ERBIN: variants seen among roughly 807,000 people sequenced by gnomAD.
ERBIN encodes the protein densin-180-like protein.
A neutral mutation model predicts 158.4 loss-of-function variants in ERBIN; 60 were observed. The ratio of observed to expected loss-of-function variants is 0.38; its 90% confidence interval spans 0.31 to 0.47. The LOEUF (loss-of-function observed/expected upper bound fraction) is 0.47. Among genes scored for constraint, ERBIN ranks in the 20% least tolerant of loss-of-function variants. The pLI is 0.99. For missense variants in ERBIN, 1,610 were observed against 1,648.0 expected, an observed-to-expected ratio of 0.98 and a Z score of 0.40; for synonymous variants, 594 against 557.2, an observed-to-expected ratio of 1.07 and a Z score of -0.93.
intron 1 of ERBIN, among the ~76,000 whole-genome samples, chr5:65,958,161 T>A (rs1458078724): frequency 0.012 from 1,044 of 83,620 alleles, no homozygotes; most frequent in South Asian, 0.014. Flanking sequence ...GAGGGGCTCC[T>A]CACATCCCAG....
intron 4 of ERBIN, among the ~76,000 whole-genome samples, chr5:66,005,144 G>C (rs982702239): frequency 6.6e-6 from 1 of 152,148 alleles, no homozygotes; most frequent in Admixed American, 6.5e-5. Context: ...TTCAAATGCT[G>C]TTTCAGTCAT....
intron 14 of ERBIN, among the ~76,000 whole-genome samples, chr5:66,032,568 G>A (rs554414337): frequency 6.6e-6 from 1 of 152,252 alleles, no homozygotes; most frequent in East Asian, 1.9e-4. Context: ...AGATAATACG[G>A]AAACCAGTGT....
chr5:66,000,798 T>A (rs1308954689), intron 4 of ERBIN, among the ~76,000 whole-genome samples: 1 of 152,204 alleles, frequency 6.6e-6, no homozygotes, highest in Non-Finnish European at 1.5e-5. Context: ...ACTTCATTGT[T>A]CATAACAAGG....
At chr5:66,024,258 A>G (rs1387912225) in intron 9 of ERBIN, 48 bp from the exon 10 acceptor site, 3 of 1,270,016 alleles carry the variant, frequency 2.4e-6, no homozygotes, top group South Asian at 3.1e-5. Context: ...ACTTTTTACA[A>G]ATTACTAATG....
At chr5:66,068,134 C>T (rs1761190071) in intron 21 of ERBIN, among the ~76,000 whole-genome samples, 1 of 151,332 alleles carries the variant, frequency 6.6e-6, no homozygotes, top group African/African-American at 2.4e-5. Flanking sequence ...TTGAGACCAC[C>T]CTGGACAAGT....
intron 1 of ERBIN, among the ~76,000 whole-genome samples, chr5:65,966,402 C>A (rs1000952159): frequency 6.6e-6 from 1 of 152,032 alleles, no homozygotes; most frequent in Non-Finnish European, 1.5e-5. Flanking sequence ...AAAGGTAGGC[C>A]GGGCATGGTA....
chr5:65,970,804 A>G (rs367797445), intron 1 of ERBIN, among the ~76,000 whole-genome samples: 5 of 152,182 alleles, frequency 3.3e-5, no homozygotes, highest in African/African-American at 1.2e-4. Context: ...TGTGTTGCCC[A>G]GGCTGGTCTT....
At chr5:65,948,372 T>C (rs1359732401) in intron 1 of ERBIN, among the ~76,000 whole-genome samples, 2 of 151,928 alleles carry the variant, frequency 1.3e-5, no homozygotes, top group Non-Finnish European at 2.9e-5. Flanking sequence ...AGATAAGGTC[T>C]CACTGTATTT....
At chr5:65,977,645 C>T (rs1310596277) in intron 1 of ERBIN, among the ~76,000 whole-genome samples, 2 of 151,176 alleles carry the variant, frequency 1.3e-5, no homozygotes, top group African/African-American at 4.9e-5. Context: ...GGATGGTGGC[C>T]GGGCAGAGAC....
At chr5:66,065,115 T>G (rs1760844061) in intron 21 of ERBIN, among the ~76,000 whole-genome samples, 1 of 152,194 alleles carries the variant, frequency 6.6e-6, no homozygotes, top group South Asian at 2.1e-4. Flanking sequence ...ATATTGAATT[T>G]GATGTGATGA....
At chr5:66,009,510 G>A (rs1377265853) in intron 4 of ERBIN, among the ~76,000 whole-genome samples, 3 of 152,000 alleles carry the variant, frequency 2.0e-5, no homozygotes, top group Non-Finnish European at 2.9e-5. Context: ...GAGTACACAG[G>A]TACTACAAAG....
chr5:66,049,388 T>C (rs1758795328), intron 19 of ERBIN, among the ~76,000 whole-genome samples: 1 of 152,114 alleles, frequency 6.6e-6, no homozygotes, highest in Non-Finnish European at 1.5e-5. Flanking sequence ...ATGGCATCAA[T>C]GATACTTATT....
chr5:66,032,050 T>G (rs1451235934), intron 14 of ERBIN, among the ~76,000 whole-genome samples: 2 of 152,060 alleles, frequency 1.3e-5, no homozygotes, highest in African/African-American at 4.8e-5. Context: ...GTGTTCTGGT[T>G]TGGAAGAATA....
intron 4 of ERBIN, among the ~76,000 whole-genome samples, chr5:65,998,361 T>C (rs1438813054): frequency 6.6e-6 from 1 of 151,442 alleles, no homozygotes; most frequent in Non-Finnish European, 1.5e-5. Context: ...GTTTTAAGGA[T>C]TTATTATTTG....
chr5:65,931,092 T>C (rs1026041809), intron 1 of ERBIN, among the ~76,000 whole-genome samples: 2 of 152,228 alleles, frequency 1.3e-5, no homozygotes, highest in African/African-American at 4.8e-5. Flanking sequence ...TCTACTTATC[T>C]GGAGGTTATT....
chr5:65,949,361 G>A (rs1746221443), intron 1 of ERBIN, among the ~76,000 whole-genome samples: 1 of 152,082 alleles, frequency 6.6e-6, no homozygotes, highest in African/African-American at 2.4e-5. Context: ...CCAGTCCCAG[G>A]AAATATTTAA....
rs940623254 is a variant in ERBIN at position 66,080,244 on chromosome 5, C to T, written c.*1714C>T. 4.6e-5 allele frequency: 7 copies of T among 152,500 alleles called. No individual in the cohort carries two copies. The highest frequency in any genetic ancestry group is 1.9e-4 in the East Asian group (1 of 5,190). The allele number at this position is 152,500 out of a possible 1,614,324, so 9.4% of individuals were successfully genotyped here. A position where few individuals can be genotyped will look rare whatever the true frequency, so the allele number is the denominator to read the frequency against. Reference sequence around the variant, plus strand: ...TGCTAGTCAGAGTAAGTAGGCAGCACTTTTAAAAATATGTGAACTCAAATA... The same window carrying T: ...TGCTAGTCAGAGTAAGTAGGCAGCATTTTTAAAAATATGTGAACTCAAATA... On this transcript the variant is annotated 3_prime_UTR_variant, in exon 26 of 26. Coordinates refer to ENST00000284037, the MANE Select transcript of ERBIN (RefSeq NM_001253697.2).
intron 14 of ERBIN, among the ~76,000 whole-genome samples, chr5:66,035,883 C>T (rs760066128): frequency 6.6e-6 from 1 of 151,980 alleles, no homozygotes; most frequent in African/African-American, 2.4e-5. Flanking sequence ...TGCTTGAGGC[C>T]GGGAGTTTGA....
intron 12 of ERBIN, 130 bp from the exon 13 acceptor site, chr5:66,026,168 TAAAA>T (rs954010405): frequency 3.3e-5 from 23 of 695,572 alleles, no homozygotes; most frequent in South Asian, 7.8e-5. Context: ...AAAAATTAAT[TAAAA>T]AGAAAGTCTA....
Sources: allele counts gnomAD v4.1 joint callset (sites outside exome capture counted in the v4.1 genomes callset), GRCh38; gene constraint gnomAD v4.1.1; transcripts MANE v1.5; gene names NCBI Gene and HGNC (gene_info 2026-07-23, HGNC 2026-07-21).